KRT79: variants seen among roughly 807,000 people sequenced by gnomAD.
KRT79 encodes keratin 79.
KRT79 carries 51 observed loss-of-function variants against 49.0 expected under a neutral mutation model. That is an observed-to-expected ratio of 1.04 (90% confidence interval 0.83 to 1.31). KRT79 has a LOEUF of 1.31. KRT79 is among the 40% of genes most tolerant of loss of function. The pLI, the probability that KRT79 is intolerant of heterozygous loss-of-function variation, is 0.00. For synonymous variants in KRT79, 312 were observed against 286.6 expected (o/e 1.09, Z -0.90); for missense variants, 728 against 688.0 (o/e 1.06, Z -0.65).
chr12:52,830,394 C>T (rs947331607), intron 2 of KRT79, 102 bp from the exon 3 acceptor site: 9 of 901,828 alleles, frequency 1.0e-5, no homozygotes, highest in Admixed American at 3.7e-5. Flanking sequence ...CCTCACTGAT[C>T]AAGAACACCT....
At position 52,822,012 on chromosome 12, in the gene KRT79, G is replaced by A. The variant is rs1379443794; in HGVS notation, c.1468C>T (p.Leu490=). 6.2e-7 allele frequency: 1 copy of A among 1,614,068 alleles called. No individual in the cohort carries two copies. Among genetic ancestry groups the A allele is most frequent in the Admixed American group, 1.7e-5 (1 of 60,016 alleles). ...TTGGTGGCCCCCCCACTCCCACCCA[G>A]GGAGATGCCACCTCCAAAGCTGGCT... ...GAASFGGGIS[L]GGSGGATKGG... The change falls in exon 9 of 9, where the codon CTG becomes TTG. Residue 490 remains leucine, a synonymous_variant. Transcript: ENST00000330553.
intron 1 of KRT79, among the ~76,000 whole-genome samples, chr12:52,831,934 A>G (rs80074581): frequency 0.028 from 4,215 of 152,332 alleles, 191 homozygotes; most frequent in African/African-American, 0.096. Flanking sequence ...CTTGTCCTGC[A>G]TAAACTGGAC....
intron 4 of KRT79, 124 bp from the exon 5 acceptor site, chr12:52,824,486 TAG>T: frequency 3.3e-6 from 3 of 918,584 alleles, no homozygotes; most frequent in African/African-American, 1.7e-5. Flanking sequence ...GGCTCCAGCC[TAG>T]AGCAAAGTAA....
At position 52,823,011 on chromosome 12, in the gene KRT79, A is replaced by G; in HGVS notation, c.1367+5T>C. On this transcript the variant is annotated splice_donor_5th_base_variant and intron_variant, in intron 7 of 8. Transcript: ENST00000330553. ...CTTTCTGGGTCGGGCAGGAGGGGCC[A>G]CCACCTGCTCTCCTCGCTCTCCAGA... 6.2e-7 allele frequency: 1 copy of G among 1,613,164 alleles called. No individual in the cohort carries two copies. The highest frequency in any genetic ancestry group is 1.1e-5 in the South Asian group (1 of 91,046).
In KRT79 at chr12:52,824,272, C is replaced by A; in HGVS notation, c.946G>T (p.Ala316Ser). Reference protein sequence around the residue: ...NRNLDLDSIIAEVKAQYELIA... With the variant: ...NRNLDLDSIISEVKAQYELIA... ...AGCTCATACTGGGCCTTGACCTCGG[C>A]GATGATGCTGTCCAGGTCCAGGTTG... The change falls in exon 5 of 9, where the codon GCC becomes TCC. Residue 316 changes from alanine (A) to serine (S), a missense_variant. Coordinates refer to ENST00000330553, the MANE Select transcript of KRT79 (RefSeq NM_175834.3). 1 of 1,614,236 alleles carries A rather than the reference C, an allele frequency of 6.2e-7. No homozygotes were observed.
chr12:52,827,525 G>A (rs1420611477), intron 4 of KRT79, among the ~76,000 whole-genome samples: 1 of 152,230 alleles, frequency 6.6e-6, no homozygotes, highest in East Asian at 1.9e-4. Context: ...CCCTGGCAAA[G>A]TAGAAACTGG....
chr12:52,833,577 TC>T, intron 1 of KRT79, among the ~76,000 whole-genome samples: 1 of 151,668 alleles, frequency 6.6e-6, no homozygotes, highest in Non-Finnish European at 1.5e-5. Context: ...GACTGGAGAC[TC>T]CCCCCGCACA....
At chr12:52,822,817 G>T (rs117633048) in intron 7 of KRT79, among the ~76,000 whole-genome samples, 199 bp downstream of exon 7, 250 of 152,314 alleles carry the variant, frequency 1.6e-3, no homozygotes, top group Admixed American at 3.4e-3. Flanking sequence ...GTCAGCCACA[G>T]TAAAGATTAA....
chr12:52,824,476 G>T, intron 4 of KRT79, 114 bp from the exon 5 acceptor site: 1 of 1,070,390 alleles, frequency 9.3e-7, no homozygotes, highest in Non-Finnish European at 1.3e-6. Flanking sequence ...CTCTTGTCCA[G>T]GCTCCAGCCT....
At chr12:52,823,472 T>A (rs972493490) in intron 6 of KRT79, among the ~76,000 whole-genome samples, 1 of 152,220 alleles carries the variant, frequency 6.6e-6, no homozygotes, top group Non-Finnish European at 1.5e-5. Context: ...ATCAGCCCAA[T>A]GCCTCAGAAG....
chr12:52,821,929 C>T lies in KRT79; in HGVS notation c.1551G>A (p.Ala517=), dbSNP rs753030036. 4 of 1,614,122 alleles carry T rather than the reference C, an allele frequency of 2.5e-6. No individual in the cohort carries two copies. Among genetic ancestry groups the T allele is most frequent in the East Asian group, 2.2e-5 (1 of 44,858 alleles). Residue 517 remains alanine, a synonymous_variant, in exon 9 of 9, where the codon GCG becomes GCA. Coordinates refer to ENST00000330553, the MANE Select transcript of KRT79 (RefSeq NM_175834.3). ...TGGTCTTCCGCAGGATGGAGGTGCC[C>T]GCAGAGACTGGCCCTCCCTTGACGG... ...YSTVKGGPVS[A]GTSILRKTTT... is the part of the protein sequence containing the mutation.
intron 1 of KRT79, among the ~76,000 whole-genome samples, chr12:52,832,918 G>A (rs1940275263): frequency 6.6e-6 from 1 of 152,226 alleles, no homozygotes; most frequent in East Asian, 1.9e-4. Flanking sequence ...AAGCACTGTG[G>A]GTACCTCAGG....
At chr12:52,828,139 A>G (rs898869399) in intron 4 of KRT79, among the ~76,000 whole-genome samples, 2 of 152,194 alleles carry the variant, frequency 1.3e-5, no homozygotes, top group African/African-American at 4.8e-5. Context: ...TGGGTTCCCT[A>G]AGGAAAAGTG....
Position 52,824,219 on chromosome 12 carries a change from G to T in KRT79, c.999C>A (p.Ala333=). The change falls in exon 5 of 9, where the codon GCC becomes GCA. Residue 333 remains alanine (A), a synonymous_variant. Coordinates refer to ENST00000330553, the MANE Select transcript of KRT79 (RefSeq NM_175834.3). The stretch of plus-strand genomic sequence containing the variant: ...TCACCTTGGTCTGGTACCAGGCCTC[G>T]GCCTCAGCCCGGCTCCTCTGGGCAA... ...ELIAQRSRAE[A]EAWYQTKYEE... is the part of the protein sequence containing the mutation. 1 of 1,614,186 alleles carries T rather than the reference G, an allele frequency of 6.2e-7. No individual in the cohort carries two copies. Among genetic ancestry groups the T allele is most frequent in the Non-Finnish European group, 8.5e-7 (1 of 1,180,052 alleles).
intron 1 of KRT79, among the ~76,000 whole-genome samples, chr12:52,833,268 C>A (rs1940282361): frequency 1.3e-5 from 2 of 152,186 alleles, no homozygotes; most frequent in African/African-American, 4.8e-5. Context: ...TAGGACCCCA[C>A]CCACACACAA....
intron 4 of KRT79, 50 bp from the exon 5 acceptor site, chr12:52,824,412 G>A (rs772571107): frequency 1.9e-6 from 3 of 1,588,728 alleles, no homozygotes; most frequent in East Asian, 2.2e-5. Flanking sequence ...CAGGCCCCAG[G>A]AAGCATCAGA....
chr12:52,823,855 G>A, intron 6 of KRT79, 32 bp downstream of exon 6: 1 of 1,601,308 alleles, frequency 6.2e-7, no homozygotes, highest in Non-Finnish European at 8.5e-7. Context: ...CAACACCTAG[G>A]CCAGACCCCC....
intron 8 of KRT79, 39 bp downstream of exon 8, chr12:52,822,306 G>C: frequency 6.3e-7 from 1 of 1,597,630 alleles, no homozygotes; most frequent in Non-Finnish European, 8.5e-7. Context: ...TCTGGGGCCT[G>C]GCCAGGGGTG....
chr12:52,827,666 G>T (rs1940195789), intron 4 of KRT79, among the ~76,000 whole-genome samples: 2 of 152,260 alleles, frequency 1.3e-5, no homozygotes, highest in South Asian at 4.1e-4. Context: ...CAAAGCCAGG[G>T]GTCAGAGGCT....
Sources: gnomAD v4.1 joint callset for allele counts (sites outside exome capture counted in the v4.1 genomes callset) on GRCh38, gnomAD v4.1.1 for gene constraint, MANE v1.5 for transcripts, NCBI Gene and HGNC (gene_info 2026-07-23, HGNC 2026-07-21) for gene names.